DLG2: variants seen among roughly 807,000 people sequenced by gnomAD.
DLG2 encodes the protein disks large homolog 2.
A neutral mutation model predicts 132.5 loss-of-function variants in DLG2; 45 were observed. That is an observed-to-expected ratio of 0.34 (90% CI 0.27 to 0.44). The LOEUF (loss-of-function observed/expected upper bound fraction) is 0.44, where lower values mean the gene tolerates loss of function less well. DLG2 is among the 20% of genes least tolerant of loss of function. The probability of loss-of-function intolerance (pLI) is 1.00; values close to 1 mark genes in which losing one functional copy is unlikely to be tolerated. For synonymous variants in DLG2, 424 were observed against 419.6 expected (o/e 1.01, Z -0.13); for missense variants, 1,045 against 1,196.9 (o/e 0.87, Z 1.87).
intron 6 of DLG2, among the ~76,000 whole-genome samples, chr11:84,944,755 C>T (rs2049976030): frequency 6.6e-6 from 1 of 151,940 alleles, no homozygotes; most frequent in African/African-American, 2.4e-5. Context: ...CAGGCATGTG[C>T]CACCATGCCC....
intron 7 of DLG2, among the ~76,000 whole-genome samples, chr11:84,445,865 G>A (rs2099032665): frequency 1.4e-5 from 2 of 142,488 alleles, no homozygotes; most frequent in South Asian, 2.2e-4. Flanking sequence ...GCAGTGAGCC[G>A]AGATGGTGTC....
intron 7 of DLG2, among the ~76,000 whole-genome samples, chr11:84,259,163 TGG>T (rs2097520154): frequency 1.3e-5 from 2 of 149,566 alleles, no homozygotes. Flanking sequence ...CCCAGCTACT[TGG>T]GAGGCTGAGG....
chr11:85,289,718 G>A (rs1016681359), intron 3 of DLG2, among the ~76,000 whole-genome samples: 5 of 152,004 alleles, frequency 3.3e-5, no homozygotes, highest in South Asian at 4.1e-4. Context: ...TATATTTAAC[G>A]ATGTTGCAAA....
At chr11:84,545,263 C>T (rs943424531) in intron 6 of DLG2, 6 of 493,734 alleles carry the variant, frequency 1.2e-5, no homozygotes, top group Non-Finnish European at 2.0e-5. Context: ...GGTTTCTCTC[C>T]TCATGGGTCC....
At chr11:84,314,390 T>C (rs1032654841) in intron 7 of DLG2, among the ~76,000 whole-genome samples, 4 of 152,188 alleles carry the variant, frequency 2.6e-5, no homozygotes, top group African/African-American at 9.6e-5. Flanking sequence ...AGCCTTAGTT[T>C]TAGTGGACAC....
intron 21 of DLG2, among the ~76,000 whole-genome samples, chr11:83,505,391 G>A (rs1196384040): frequency 2.0e-5 from 3 of 152,186 alleles, no homozygotes; most frequent in African/African-American, 7.2e-5. Context: ...CCATGGCCAC[G>A]TTGTTCATGG....
chr11:85,002,490 T>C (rs566837408), intron 6 of DLG2, among the ~76,000 whole-genome samples: 48 of 152,310 alleles, frequency 3.2e-4, no homozygotes, highest in African/African-American at 1.1e-3. Flanking sequence ...AGGTCTACAA[T>C]CTCTCCATGA....
At chr11:85,240,825 A>G (rs1283322978) in intron 4 of DLG2, among the ~76,000 whole-genome samples, 3 of 151,818 alleles carry the variant, frequency 2.0e-5, no homozygotes, top group African/African-American at 2.4e-5. Flanking sequence ...CTTAATTACT[A>G]TAACTTTATA....
At chr11:84,164,833 G>A (rs2095625538) in intron 8 of DLG2, among the ~76,000 whole-genome samples, 1 of 152,148 alleles carries the variant, frequency 6.6e-6, no homozygotes, top group Non-Finnish European at 1.5e-5. Context: ...GAGCTAATTG[G>A]TGAATCACAA....
intron 6 of DLG2, among the ~76,000 whole-genome samples, chr11:84,725,122 G>C (rs187911868): frequency 1.2e-3 from 183 of 152,222 alleles, no homozygotes; most frequent in Admixed American, 1.6e-3. Context: ...GCTTATTCGA[G>C]TGACAGAATT....
chr11:84,014,539 C>G (rs532687601), intron 11 of DLG2, among the ~76,000 whole-genome samples: 1 of 152,290 alleles, frequency 6.6e-6, no homozygotes, highest in East Asian at 1.9e-4. Context: ...TCCTATTACA[C>G]AAATGAGTTC....
rs74708274 is a variant in DLG2 at position 84,064,439 on chromosome 11, T to C, written c.750-4955A>G. Among the ~76,000 whole-genome samples, 776 of 152,322 alleles carry C rather than the reference T, an allele frequency of 5.1e-3. 9 individuals carry two copies. The highest frequency in any genetic ancestry group is 0.018 in the African/African-American group (746 of 41,576). ...CTTGGGAGGCTTGGTCACAGCCAGA[T>C]AGATCTGGGATCTCACCACAGCTCT... On this transcript the variant is annotated intron_variant, in intron 10 of 27. Transcript: ENST00000376104.
intron 7 of DLG2, among the ~76,000 whole-genome samples, chr11:84,402,341 C>A (rs1027694392): frequency 6.6e-6 from 1 of 152,068 alleles, no homozygotes; most frequent in Admixed American, 6.5e-5. Flanking sequence ...AGTTCAAGGT[C>A]ATTGAATGGT....
intron 6 of DLG2, among the ~76,000 whole-genome samples, chr11:85,072,072 T>G: frequency 6.6e-6 from 1 of 151,892 alleles, no homozygotes; most frequent in East Asian, 1.9e-4. Flanking sequence ...CAATAAAACA[T>G]GAATACAAAA....
intron 5 of DLG2, among the ~76,000 whole-genome samples, chr11:85,132,132 T>C (rs1409788700): frequency 6.6e-6 from 1 of 152,192 alleles, no homozygotes; most frequent in Non-Finnish European, 1.5e-5. Context: ...CATAAAACGA[T>C]TGCCTATTGA....
chr11:84,631,644 T>C (rs1594340900), intron 6 of DLG2, among the ~76,000 whole-genome samples: 1 of 152,052 alleles, frequency 6.6e-6, no homozygotes, highest in East Asian at 1.9e-4. Context: ...AGGCCATACT[T>C]CACTACCACT....
At chr11:84,111,980 T>C (rs1258742218) in intron 9 of DLG2, among the ~76,000 whole-genome samples, 1 of 152,120 alleles carries the variant, frequency 6.6e-6, no homozygotes, top group Non-Finnish European at 1.5e-5. Flanking sequence ...ATTCTAAGCA[T>C]CTGAGAATGA....
At chr11:83,641,897 GTGTT>G (rs1309695498) in intron 18 of DLG2, among the ~76,000 whole-genome samples, 7 of 151,212 alleles carry the variant, frequency 4.6e-5, no homozygotes, top group Admixed American at 1.3e-4. Flanking sequence ...GTGTGTATGT[GTGTT>G]TGTGTGTGTG....
At chr11:84,865,390 G>T (rs559678866) in intron 6 of DLG2, among the ~76,000 whole-genome samples, 1 of 152,308 alleles carries the variant, frequency 6.6e-6, no homozygotes, top group South Asian at 2.1e-4. Context: ...TAAGCCAGTA[G>T]AAATTATTTC....
Sources: gnomAD v4.1 joint callset for allele counts (sites outside exome capture counted in the v4.1 genomes callset) on GRCh38, gnomAD v4.1.1 for gene constraint, MANE v1.5 for transcripts, NCBI Gene and HGNC (gene_info 2026-07-23, HGNC 2026-07-21) for gene names.